The following TRPM3 variants were observed in gnomAD, a reference collection of about 807,000 sequenced individuals.
The protein encoded by TRPM3 is transient receptor potential cation channel subfamily M member 3, also known as long transient receptor potential channel 3.
TRPM3 carries 77 observed loss-of-function variants against 181.2 expected under a neutral mutation model. The observed-to-expected ratio is 0.42, with a 90% CI of 0.35 to 0.51. The LOEUF (loss-of-function observed/expected upper bound fraction) is 0.51. TRPM3 is among the 20% of genes least tolerant of loss of function. The probability of loss-of-function intolerance (pLI) is 0.01; values close to 1 mark genes in which losing one functional copy is unlikely to be tolerated. For synonymous variants in TRPM3, 745 were observed against 796.4 expected (o/e 0.94, Z 1.09); for missense variants, 1,759 against 2,196.7 (o/e 0.80, Z 3.98).
At chr9:71,302,006 C>T (rs1482460735) in intron 1 of TRPM3, among the ~76,000 whole-genome samples, 1 of 152,104 alleles carries the variant, frequency 6.6e-6, no homozygotes, top group Non-Finnish European at 1.5e-5. Flanking sequence ...TTATGCCCCT[C>T]TTTACTCTGA....
At chr9:71,031,254 T>C (rs780036961) in intron 1 of TRPM3, among the ~76,000 whole-genome samples, 59 of 152,352 alleles carry the variant, frequency 3.9e-4, no homozygotes, top group Non-Finnish European at 6.2e-4. Context: ...GTGCTAGATA[T>C]AGTCTGATGA....
At chr9:70,869,821 T>C (rs1262558437) in intron 1 of TRPM3, among the ~76,000 whole-genome samples, 3 of 152,032 alleles carry the variant, frequency 2.0e-5, no homozygotes, top group African/African-American at 4.8e-5. Flanking sequence ...ATATGTTTAT[T>C]TGGGGTGGCC....
At chr9:71,383,896 C>T (rs949903283) in intron 1 of TRPM3, among the ~76,000 whole-genome samples, 1 of 152,150 alleles carries the variant, frequency 6.6e-6, no homozygotes, top group Non-Finnish European at 1.5e-5. Flanking sequence ...TAATTATGCA[C>T]ACAAAACACT....
intron 22 of TRPM3, among the ~76,000 whole-genome samples, chr9:70,560,890 T>C (rs1405030596): frequency 6.6e-6 from 1 of 152,242 alleles, no homozygotes. Flanking sequence ...ACTTGCCCTG[T>C]TGATTTCATC....
intron 7 of TRPM3, chr9:70,775,620 T>C (rs2081206113): frequency 2.0e-5 from 3 of 152,304 alleles, no homozygotes; most frequent in South Asian, 4.1e-4. Context: ...GCTGCCTTTG[T>C]AGGTGAGAGC....
At chr9:70,638,244 CT>C (rs1589642058) in intron 11 of TRPM3, among the ~76,000 whole-genome samples, 1 of 152,162 alleles carries the variant, frequency 6.6e-6, no homozygotes, top group South Asian at 2.1e-4. Flanking sequence ...AGACACTGAA[CT>C]TGCCAGAGCC....
chr9:70,961,779 GA>G (rs2097139018), intron 1 of TRPM3, among the ~76,000 whole-genome samples: 1 of 152,040 alleles, frequency 6.6e-6, no homozygotes. Flanking sequence ...CATGCACAAA[GA>G]AAGCATTAAA....
rs533985556 is a variant in TRPM3 at position 71,311,359 on chromosome 9, G to C, written c.183+135294C>G. On this transcript the variant is annotated intron_variant, in intron 1 of 24. Transcript: ENST00000357533. ...GTGTCAAACCCAGACAGAAGAAACT[G>C]TGAGTTTTAAAAGTAATATCTCTTC... is the stretch of plus-strand genomic sequence containing the variant. Among the ~76,000 whole-genome samples, 30 of 152,236 alleles carry C rather than the reference G, an allele frequency of 2.0e-4. 1 individual carries two copies. The highest frequency in any genetic ancestry group is 6.8e-3 in the Middle Eastern group (2 of 294).
At chr9:70,994,509 CT>C (rs34686338) in intron 1 of TRPM3, among the ~76,000 whole-genome samples, 4 of 150,208 alleles carry the variant, frequency 2.7e-5, no homozygotes, top group East Asian at 2.0e-4. Flanking sequence ...ATTTAATTCA[CT>C]TTTTTTTTTC....
chr9:70,535,492 A>T lies in TRPM3; in HGVS notation c.*461T>A. 2 of 1,550,406 alleles carry T rather than the reference A, an allele frequency of 1.3e-6. No individual in the cohort carries two copies. The highest frequency in any genetic ancestry group is 1.7e-6 in the Non-Finnish European group (2 of 1,146,974). ...GTGATGGAGCCAATGTGAAAAGAAA[A>T]CAGAATGGAAGTTTAGAATATCTCA... On this transcript the variant is annotated 3_prime_UTR_variant, in exon 26 of 26. Transcript: ENST00000677713.
intron 1 of TRPM3, among the ~76,000 whole-genome samples, chr9:71,007,039 C>CAAAAAAAAAAAAAAAAAAA (rs59442017): frequency 5.4e-4 from 15 of 27,974 alleles, no homozygotes; most frequent in Non-Finnish European, 5.9e-4. Flanking sequence ...AACTCCATCT[C>CAAAAAAAAAAAAAAAAAAA]AAAAAAAAAA....
rs71367232 is a variant in TRPM3 at position 70,831,962 on chromosome 9, A to AATATATATATATATAT, written c.802-3960_802-3945dup. On this transcript the variant is annotated intron_variant, in intron 5 of 25. Transcript: ENST00000677713. ...ATCAAAACATTTTATGTACCCCATA[A>AATATATATATATATAT]ATATATATATATATATATATATATA... Among the ~76,000 whole-genome samples the AATATATATATATATAT allele has an allele frequency of 2.7e-3, 175 of 64,138 alleles. 2 individuals are homozygous for AATATATATATATATAT. Among genetic ancestry groups the AATATATATATATATAT allele is most frequent in the Non-Finnish European group, 3.7e-3 (130 of 35,336 alleles). 42.1% of individuals were successfully genotyped at this position (64,138 alleles called of 152,430 possible).
chr9:71,364,904 TG>T lies in TRPM3; in HGVS notation c.183+81748del, dbSNP rs997956464. On this transcript the variant is annotated intron_variant, in intron 1 of 24. Transcript: ENST00000357533. ...ACATGAATGTTCATAAGCATTTGCA[TG>T]GGGTAAGGAATCTATTCTTTTTTGG... Among the ~76,000 whole-genome samples, 9 of 152,330 alleles carry T rather than the reference TG, an allele frequency of 5.9e-5. No homozygotes were observed. The Middle Eastern group carries it at 0.014, about 230-fold the overall frequency.
chr9:70,815,461 T>C (rs1169108766), intron 6 of TRPM3, among the ~76,000 whole-genome samples: 1 of 152,234 alleles, frequency 6.6e-6, no homozygotes, highest in East Asian at 1.9e-4. Context: ...GCGCTATTTA[T>C]GCACCCACAA....
chr9:71,213,234 C>T (rs2079623597), intron 1 of TRPM3, among the ~76,000 whole-genome samples: 1 of 152,014 alleles, frequency 6.6e-6, no homozygotes, highest in African/African-American at 2.4e-5. Flanking sequence ...TTTGAGAATA[C>T]TAAAATTTAC....
upstream of TRPM3, among the ~76,000 whole-genome samples, chr9:71,125,610 G>A (rs1565251234): frequency 6.6e-6 from 1 of 152,056 alleles, no homozygotes; most frequent in Admixed American, 6.6e-5. Flanking sequence ...TGTGCATTTG[G>A]GTTGATTCCA....
At chr9:71,297,299 C>T (rs1287626165) in intron 1 of TRPM3, among the ~76,000 whole-genome samples, 3 of 152,084 alleles carry the variant, frequency 2.0e-5, no homozygotes, top group African/African-American at 7.2e-5. Flanking sequence ...ATATGCTGGG[C>T]CCTCTTCCTG....
At chr9:71,297,442 T>C (rs2086381866) in intron 1 of TRPM3, among the ~76,000 whole-genome samples, 1 of 152,126 alleles carries the variant, frequency 6.6e-6, no homozygotes, top group Non-Finnish European at 1.5e-5. Context: ...TTTAATTGAC[T>C]CACAGTTCTG....
At chr9:71,413,100 G>C (rs1040206683) in intron 1 of TRPM3, among the ~76,000 whole-genome samples, 1 of 152,062 alleles carries the variant, frequency 6.6e-6, no homozygotes, top group African/African-American at 2.4e-5. Flanking sequence ...GCCTTTCGTG[G>C]GGTTGGGGGA....
Sources: gnomAD v4.1 joint callset for allele counts (sites outside exome capture counted in the v4.1 genomes callset) on GRCh38, gnomAD v4.1.1 for gene constraint, MANE v1.5 for transcripts, NCBI Gene and HGNC (gene_info 2026-07-23, HGNC 2026-07-21) for gene names.